The following ELAPOR2 variants were observed in gnomAD, a reference collection of about 807,000 sequenced individuals.
ELAPOR2 encodes endosome-lysosome associated apoptosis and autophagy regulator family member 2.
In ELAPOR2, 89 loss-of-function variants were observed where a neutral mutation model predicts 120.7. The observed-to-expected ratio is 0.74, with a 90% CI of 0.62 to 0.88. The LOEUF is 0.88. Ranked by LOEUF, ELAPOR2 falls within the 40% of genes least tolerant of loss-of-function variation. ELAPOR2 has a pLI of 0.00. For synonymous variants in ELAPOR2, 444 were observed against 444.9 expected, an observed-to-expected ratio of 1.00 and a Z score of 0.03; for missense variants, 1,134 against 1,251.6, an observed-to-expected ratio of 0.91 and a Z score of 1.42.
intron 1 of ELAPOR2, among the ~76,000 whole-genome samples, chr7:87,039,255 A>G (rs925905154): frequency 6.6e-6 from 1 of 152,092 alleles, no homozygotes; most frequent in Admixed American, 6.5e-5. Flanking sequence ...AATGAAATCA[A>G]AGCCACAATA....
At chr7:86,987,888 A>G (rs1208950052) in intron 1 of ELAPOR2, among the ~76,000 whole-genome samples, 2 of 152,214 alleles carry the variant, frequency 1.3e-5, no homozygotes, top group African/African-American at 4.8e-5. Context: ...CTATAAAGAT[A>G]TATGCACACT....
intron 1 of ELAPOR2, among the ~76,000 whole-genome samples, chr7:87,008,021 T>TA (rs1237649546): frequency 6.6e-6 from 1 of 152,196 alleles, no homozygotes; most frequent in Non-Finnish European, 1.5e-5. Flanking sequence ...TATACAGTCT[T>TA]ACTATATCAC....
intron 18 of ELAPOR2, 123 bp downstream of exon 18, chr7:86,907,547 A>G (rs968071926): frequency 1.6e-6 from 1 of 631,094 alleles, no homozygotes; most frequent in East Asian, 3.3e-5. Flanking sequence ...AAAAAAAAAA[A>G]CCCTACAGAT....
At chr7:86,916,584 T>C (rs112278048) in intron 12 of ELAPOR2, among the ~76,000 whole-genome samples, 3 of 152,290 alleles carry the variant, frequency 2.0e-5, no homozygotes, top group South Asian at 2.1e-4. Context: ...AACTCTAAAG[T>C]ATTTCAGAAC....
At chr7:87,037,019 C>A (rs1317884418) in intron 1 of ELAPOR2, among the ~76,000 whole-genome samples, 1 of 152,108 alleles carries the variant, frequency 6.6e-6, no homozygotes, top group Non-Finnish European at 1.5e-5. Flanking sequence ...TTCCCATCAA[C>A]CTCCAGTCTG....
At chr7:87,002,475 G>A (rs1793348903) in intron 1 of ELAPOR2, among the ~76,000 whole-genome samples, 1 of 152,096 alleles carries the variant, frequency 6.6e-6, no homozygotes, top group South Asian at 2.1e-4. Context: ...CTATATGAGT[G>A]CTTAAATACT....
chr7:86,945,774 C>T (rs1188439089), intron 3 of ELAPOR2, among the ~76,000 whole-genome samples: 1 of 151,978 alleles, frequency 6.6e-6, no homozygotes. Context: ...CAAAGATATC[C>T]TAACATATGA....
chr7:87,049,639 A>C (rs1402852982), intron 1 of ELAPOR2, among the ~76,000 whole-genome samples: 2 of 152,148 alleles, frequency 1.3e-5, no homozygotes, highest in African/African-American at 4.8e-5. Flanking sequence ...TAGAAACCTG[A>C]AGTGCATGAG....
Position 86,897,513 on chromosome 7 carries a change from C to A in ELAPOR2, c.2678G>T (p.Gly893Val). 6.2e-7 allele frequency: 1 copy of A among 1,612,320 alleles called. No homozygotes were observed. The highest frequency in any genetic ancestry group is 1.1e-5 in the South Asian group (1 of 90,886). The part of the protein sequence containing the change: ...FHEIEGACKR[G>V]FQETLYVWNE... ...TGAGAGTTTATCCCTTACCTGAAATCCTCTCTTGCAGGCTCCCTCAATCTC... is the reference window on the plus strand; with the variant it reads ...TGAGAGTTTATCCCTTACCTGAAATACTCTCTTGCAGGCTCCCTCAATCTC... Residue 893 changes from glycine (G) to valine (V), a missense_variant, in exon 19 of 22, where the codon GGA becomes GTA. By Grantham distance (109) the Gly-to-Val change is moderately radical. This residue lies in a region of ELAPOR2 where 831 missense variants were observed against 867.6 expected (regional missense o/e 0.96). Coordinates refer to ENST00000450689, the MANE Select transcript of ELAPOR2 (RefSeq NM_001142749.3).
intron 1 of ELAPOR2, among the ~76,000 whole-genome samples, chr7:87,050,811 T>C (rs1234180293): frequency 6.6e-6 from 1 of 152,144 alleles, no homozygotes; most frequent in Non-Finnish European, 1.5e-5. Flanking sequence ...AAGTGAGAAG[T>C]TCTGATTCAG....
At chr7:86,935,598 C>A (rs1790529249) in intron 8 of ELAPOR2, among the ~76,000 whole-genome samples, 1 of 151,970 alleles carries the variant, frequency 6.6e-6, no homozygotes, top group Non-Finnish European at 1.5e-5. Context: ...TTACCCGGGA[C>A]CTTCCTGGAA....
At chr7:87,000,830 T>G (rs1262421561) in intron 1 of ELAPOR2, among the ~76,000 whole-genome samples, 1 of 152,150 alleles carries the variant, frequency 6.6e-6, no homozygotes, top group Non-Finnish European at 1.5e-5. Context: ...CTGGAACAGT[T>G]GCACATTCTG....
chr7:86,930,243 G>A (rs374697572), intron 8 of ELAPOR2, among the ~76,000 whole-genome samples: 32 of 151,944 alleles, frequency 2.1e-4, no homozygotes, highest in African/African-American at 5.5e-4. Context: ...GAATGATATG[G>A]TATGAGAACT....
At chr7:86,998,828 T>C (rs1357194749) in intron 1 of ELAPOR2, among the ~76,000 whole-genome samples, 1 of 149,516 alleles carries the variant, frequency 6.7e-6, no homozygotes, top group African/African-American at 2.5e-5. Flanking sequence ...CAATTCTTTT[T>C]AGAATTCCAT....
At chr7:86,940,918 A>C (rs1412568819) in intron 5 of ELAPOR2, among the ~76,000 whole-genome samples, 2 of 152,130 alleles carry the variant, frequency 1.3e-5, no homozygotes, top group East Asian at 3.9e-4. Flanking sequence ...TTAAGTAAAA[A>C]AAGTATATTT....
chr7:86,962,000 A>C (rs1791730729), intron 2 of ELAPOR2, among the ~76,000 whole-genome samples: 1 of 152,158 alleles, frequency 6.6e-6, no homozygotes, highest in South Asian at 2.1e-4. Context: ...ATCAGTGTCA[A>C]TTAACAACCA....
intron 10 of ELAPOR2, 124 bp from the exon 11 acceptor site, chr7:86,919,434 A>C (rs1789720366): frequency 1.5e-5 from 8 of 547,494 alleles, no homozygotes; most frequent in Non-Finnish European, 2.5e-5. Flanking sequence ...AAATGCTACA[A>C]ATGAATTCCC....
chr7:86,950,783 G>A (rs1267221562), intron 2 of ELAPOR2, among the ~76,000 whole-genome samples: 1 of 152,202 alleles, frequency 6.6e-6, no homozygotes, highest in Non-Finnish European at 1.5e-5. Flanking sequence ...AAGCCTGGTG[G>A]GCCTGAGCAA....
At position 86,909,880 on chromosome 7, in the gene ELAPOR2, G is replaced by A; in HGVS notation, c.2291C>T (p.Pro764Leu). Residue 764 changes from proline to leucine, a missense_variant, in exon 16 of 22, where the codon CCT becomes CTT. By Grantham distance (98) the Pro-to-Leu change is moderately conservative (BLOSUM62 -3). This residue lies in a region of ELAPOR2 where 831 missense variants were observed against 867.6 expected (regional missense o/e 0.96). Transcript: ENST00000450689. ...GAFVCQSTII[P>L]SESKGFRAAL... The stretch of plus-strand genomic sequence containing the variant: ...TGCTCGGAAACCCTTACTTTCAGAA[G>A]GAATAATTGTTGACTGGCATACAAA... The A allele has an allele frequency of 6.2e-7, 1 of 1,613,410 alleles. No homozygotes were observed. The highest frequency in any genetic ancestry group is 8.5e-7 in the Non-Finnish European group (1 of 1,179,572).
Sources: allele counts gnomAD v4.1 joint callset (sites outside exome capture counted in the v4.1 genomes callset), GRCh38; gene constraint gnomAD v4.1.1; regional missense constraint gnomAD v4.1.1; transcripts MANE v1.5; gene names NCBI Gene and HGNC (gene_info 2026-07-23, HGNC 2026-07-21).